The following FOXP2 variants were observed in gnomAD, a reference collection of about 807,000 sequenced individuals.
The protein encoded by FOXP2 is forkhead box protein P2.
In FOXP2, 12 loss-of-function variants were observed where a neutral mutation model predicts 115.8. The observed-to-expected ratio is 0.10, with a 90% CI of 0.07 to 0.17. FOXP2 has a LOEUF of 0.17. FOXP2 is among the 10% of genes least tolerant of loss of function. FOXP2 has a pLI of 1.00. For synonymous variants in FOXP2, 328 were observed against 297.7 expected (o/e 1.10, Z -1.05); for missense variants, 629 against 843.5 (o/e 0.75, Z 3.15).
intron 3 of FOXP2, among the ~76,000 whole-genome samples, chr7:114,587,975 A>T (rs1273925674): frequency 6.7e-6 from 1 of 149,006 alleles, no homozygotes; most frequent in African/African-American, 2.5e-5. Context: ...CAGTTTTCTA[A>T]CCACCTAGTC....
At chr7:114,146,311 C>T (rs2129148041) in intron 1 of FOXP2, among the ~76,000 whole-genome samples, 1 of 152,312 alleles carries the variant, frequency 6.6e-6, no homozygotes, top group East Asian at 1.9e-4. Flanking sequence ...AGGCATAATA[C>T]ATGTTGAATT....
chr7:114,662,044 C>G (rs1806897653), intron 13 of FOXP2, 21 bp from the exon 14 acceptor site: 1 of 1,611,800 alleles, frequency 6.2e-7, no homozygotes, highest in Non-Finnish European at 8.5e-7. Context: ...GCCATTTTTT[C>G]TTCTCTTCTG....
chr7:114,272,733 G>A (rs1796097515), intron 1 of FOXP2, among the ~76,000 whole-genome samples: 1 of 151,658 alleles, frequency 6.6e-6, no homozygotes, highest in South Asian at 2.1e-4. Context: ...TAGAATTGTT[G>A]ATAATATTTC....
intron 1 of FOXP2, among the ~76,000 whole-genome samples, chr7:114,264,234 A>G (rs1795838180): frequency 6.6e-6 from 1 of 152,192 alleles, no homozygotes; most frequent in Non-Finnish European, 1.5e-5. Flanking sequence ...TCTGATGACT[A>G]ATGGAATGTA....
chr7:114,316,964 A>G (rs1036230014), intron 2 of FOXP2, among the ~76,000 whole-genome samples: 3 of 152,178 alleles, frequency 2.0e-5, no homozygotes, highest in African/African-American at 7.2e-5. Context: ...GGTCCATACA[A>G]AAACTTACCC....
chr7:114,507,534 G>A (rs577252835), intron 2 of FOXP2, among the ~76,000 whole-genome samples: 5 of 151,966 alleles, frequency 3.3e-5, no homozygotes, highest in Non-Finnish European at 4.4e-5. Context: ...AAACAAATTA[G>A]GAAATTAATT....
chr7:114,659,714 T>C (rs1249480154), intron 13 of FOXP2, 41 bp downstream of exon 13: 2 of 1,438,356 alleles, frequency 1.4e-6, no homozygotes, highest in Non-Finnish European at 2.0e-6. Flanking sequence ...CTACCACAGT[T>C]CCTTACAGAT....
chr7:114,418,432 G>T (rs1251846074), intron 1 of FOXP2, among the ~76,000 whole-genome samples: 1 of 151,888 alleles, frequency 6.6e-6, no homozygotes, highest in Non-Finnish European at 1.5e-5. Context: ...AGCGAGGTTT[G>T]TGTCTGCTTC....
chr7:114,396,180 G>A (rs1265659291), intron 2 of FOXP2, among the ~76,000 whole-genome samples: 2 of 151,696 alleles, frequency 1.3e-5, no homozygotes, highest in East Asian at 1.9e-4. Context: ...ACCCTTTGCA[G>A]CCTCTGGTAA....
intron 2 of FOXP2, among the ~76,000 whole-genome samples, chr7:114,479,854 C>T (rs1035135270): frequency 6.6e-6 from 1 of 151,420 alleles, no homozygotes; most frequent in African/African-American, 2.4e-5. Context: ...TAATGAGTTG[C>T]ATAAAAGCTT....
chr7:114,596,735 G>C (rs1584936640), intron 3 of FOXP2, among the ~76,000 whole-genome samples: 1 of 152,034 alleles, frequency 6.6e-6, no homozygotes, highest in South Asian at 2.1e-4. Context: ...ACGTGTCCCA[G>C]GTATTTGGAA....
intron 1 of FOXP2, among the ~76,000 whole-genome samples, chr7:114,270,928 G>T (rs1042121642): frequency 6.6e-6 from 1 of 151,622 alleles, no homozygotes; most frequent in Non-Finnish European, 1.5e-5. Flanking sequence ...CACATTTAGG[G>T]CTATGATCCA....
At chr7:114,659,879 A>C (rs1182171854) in intron 13 of FOXP2, among the ~76,000 whole-genome samples, 2 of 152,222 alleles carry the variant, frequency 1.3e-5, no homozygotes, top group African/African-American at 4.8e-5. Context: ...TGGTGCAATT[A>C]ATAGCTGAGG....
chr7:114,190,373 A>C (rs1301866892), intron 1 of FOXP2, among the ~76,000 whole-genome samples: 3 of 152,104 alleles, frequency 2.0e-5, no homozygotes, highest in African/African-American at 4.8e-5. Context: ...AGGAAGGATA[A>C]ATTTTCTCTC....
intron 1 of FOXP2, among the ~76,000 whole-genome samples, chr7:114,150,092 G>A (rs1030497058): frequency 2.6e-5 from 4 of 151,972 alleles, no homozygotes; most frequent in African/African-American, 7.2e-5. Flanking sequence ...AATCTTTATC[G>A]ATAAGCTTTA....
chr7:114,299,613 G>A (rs140484612), intron 2 of FOXP2, among the ~76,000 whole-genome samples: 3,515 of 151,758 alleles, frequency 0.023, 87 homozygotes, highest in African/African-American at 0.055. Context: ...TGATCAACTG[G>A]GATGGTAACT....
chr7:114,126,405 C>T (rs1791710946), intron 1 of FOXP2, among the ~76,000 whole-genome samples: 1 of 152,080 alleles, frequency 6.6e-6, no homozygotes, highest in South Asian at 2.1e-4. Flanking sequence ...CTTCTAAATA[C>T]TTTCATTTTC....
intron 2 of FOXP2, among the ~76,000 whole-genome samples, chr7:114,474,257 A>G (rs1043319745): frequency 2.6e-5 from 4 of 152,342 alleles, no homozygotes; most frequent in Non-Finnish European, 4.4e-5. Flanking sequence ...TCTAAAGAGT[A>G]TAACAGGAGT....
At chr7:114,271,143 G>T (rs1244243550) in intron 1 of FOXP2, among the ~76,000 whole-genome samples, 1 of 151,762 alleles carries the variant, frequency 6.6e-6, no homozygotes, top group Non-Finnish European at 1.5e-5. Flanking sequence ...CTTTCACCTT[G>T]CTGTAATTAC....
Sources: gnomAD v4.1 joint callset for allele counts (sites outside exome capture counted in the v4.1 genomes callset) on GRCh38, gnomAD v4.1.1 for gene constraint, MANE v1.5 for transcripts, NCBI Gene and HGNC (gene_info 2026-07-23, HGNC 2026-07-21) for gene names.